Variants in PASD1 observed in about 807,000 individuals in gnomAD.
The protein encoded by PASD1 is PAS domain containing repressor 1.
In PASD1, 13 loss-of-function variants were observed where a neutral mutation model predicts 58.8. The ratio of observed to expected loss-of-function variants is 0.22; its 90% confidence interval spans 0.14 to 0.35. The LOEUF (loss-of-function observed/expected upper bound fraction) is 0.35. Ranked by LOEUF, PASD1 falls within the 10% of genes least tolerant of loss-of-function variation. PASD1 has a pLI of 1.00. For synonymous variants in PASD1, 236 were observed against 216.7 expected, an observed-to-expected ratio of 1.09 and a Z score of -0.78; for missense variants, 734 against 568.3, an observed-to-expected ratio of 1.29 and a Z score of -2.96.
intron 8 of PASD1, among the ~76,000 whole-genome samples, chrX:151,628,671 C>T (rs745445858): frequency 3.6e-5 from 4 of 111,592 alleles, no homozygotes; most frequent in South Asian, 7.7e-4. Context: ...CTTGGCAATG[C>T]GGGCTCTTTT....
At chrX:151,600,137 G>A (rs745963037) in intron 1 of PASD1, among the ~76,000 whole-genome samples, 51 of 111,833 alleles carry the variant, frequency 4.6e-4, no homozygotes, top group African/African-American at 1.4e-3. Flanking sequence ...GGCGGCGTGC[G>A]CCTGCAATCC....
intron 1 of PASD1, among the ~76,000 whole-genome samples, chrX:151,572,177 A>G (rs1450960579): frequency 9.0e-6 from 1 of 111,409 alleles, no homozygotes; most frequent in Non-Finnish European, 1.9e-5. Flanking sequence ...TTATTTTGAC[A>G]GTTGTAAGTT....
chrX:151,658,002 A>G (rs5969812), intron 9 of PASD1, among the ~76,000 whole-genome samples: 34,928 of 110,442 alleles, frequency 0.32, 4,779 homozygotes, highest in Middle Eastern at 0.48. Context: ...ATAAGCCACC[A>G]CAGGGAAAAT....
chrX:151,648,737 G>A (rs1240212397), intron 9 of PASD1, 35 bp downstream of exon 9: 1 of 1,179,679 alleles, frequency 8.5e-7, no homozygotes, highest in South Asian at 1.8e-5. Context: ...TACAATCTTA[G>A]ACCCTTATCC....
In PASD1 at chrX:151,671,031, C is replaced by G. The variant is rs1388900288; in HGVS notation, c.1072-7C>G. 4.1e-6 allele frequency: 5 copies of G among 1,207,503 alleles called. No individual in the cohort carries two copies. The highest frequency in any genetic ancestry group is 5.6e-6 in the Non-Finnish European group (5 of 893,179). On this transcript the variant is annotated splice_region_variant and splice_polypyrimidine_tract_variant and intron_variant, in intron 11 of 15. Coordinates refer to ENST00000370357, the MANE Select transcript of PASD1 (RefSeq NM_173493.3). The stretch of plus-strand genomic sequence containing the variant: ...ATACATGAACCATAAGTAATTCCTC[C>G]CCACAGCCATTACAGCCATCATCAC...
At chrX:151,586,447 A>T (rs751927494) in intron 1 of PASD1, among the ~76,000 whole-genome samples, 2 of 111,986 alleles carry the variant, frequency 1.8e-5, no homozygotes, top group Non-Finnish European at 3.8e-5. Flanking sequence ...GGTACTAGCT[A>T]TGTAACTTCA....
At chrX:151,570,312 T>G (rs1351703110) in intron 1 of PASD1, among the ~76,000 whole-genome samples, 2 of 112,341 alleles carry the variant, frequency 1.8e-5, no homozygotes, top group African/African-American at 6.5e-5. Flanking sequence ...ATTTACAGAA[T>G]GTTCACAGCC....
intron 8 of PASD1, among the ~76,000 whole-genome samples, chrX:151,632,240 G>A (rs1285931977): frequency 9.0e-6 from 1 of 111,028 alleles, no homozygotes; most frequent in Non-Finnish European, 1.9e-5. Flanking sequence ...AATTCCCTGT[G>A]GTTCCTTTGT....
At chrX:151,659,887 C>A (rs1356409515) in intron 10 of PASD1, 51 bp downstream of exon 10, 10 of 1,131,417 alleles carry the variant, frequency 8.8e-6, no homozygotes, top group South Asian at 4.2e-5. Context: ...AAAACAGTGA[C>A]CCCCAGGGTA....
At chrX:151,599,918 G>A (rs2013387639) in intron 1 of PASD1, among the ~76,000 whole-genome samples, 1 of 111,859 alleles carries the variant, frequency 8.9e-6, no homozygotes, top group Non-Finnish European at 1.9e-5. Context: ...GCAGGCGGCT[G>A]GGAGGTGGAG....
Position 151,676,217 on chromosome X carries a change from A to G in PASD1, c.*74A>G. 1 of 1,072,885 alleles carries G rather than the reference A, an allele frequency of 9.3e-7. No homozygotes were observed. The highest frequency in any genetic ancestry group is 1.8e-5 in the African/African-American group (1 of 54,134). 88.4% of individuals were successfully genotyped at this position (1,072,885 alleles called of 1,213,427 possible). ...CCAATGAGGTCTGCATGGCCAGGGG[A>G]CCTTCAAGGTGCGTAAAGTCCCTTG... On this transcript the variant is annotated 3_prime_UTR_variant, in exon 16 of 16. Transcript: ENST00000370357.
intron 1 of PASD1, among the ~76,000 whole-genome samples, chrX:151,565,811 G>A (rs1255121421): frequency 1.8e-5 from 2 of 111,523 alleles, no homozygotes; most frequent in Non-Finnish European, 1.9e-5. Context: ...GCCCGCCTTC[G>A]CCTCCCAAAG....
chrX:151,634,009 A>G (rs1205448106), intron 8 of PASD1, among the ~76,000 whole-genome samples: 2 of 111,875 alleles, frequency 1.8e-5, no homozygotes, highest in Admixed American at 9.5e-5. Flanking sequence ...GTGGAATGGG[A>G]TTCATCCAGC....
chrX:151,662,547 G>A (rs963117195), intron 10 of PASD1, among the ~76,000 whole-genome samples: 2 of 111,225 alleles, frequency 1.8e-5, no homozygotes, highest in African/African-American at 6.5e-5. Context: ...AACCCTCTCA[G>A]TGGACTAGGA....
At chrX:151,593,046 G>A (rs747570957) in intron 1 of PASD1, among the ~76,000 whole-genome samples, 29 of 109,937 alleles carry the variant, frequency 2.6e-4, no homozygotes, top group Non-Finnish European at 1.5e-4. Flanking sequence ...AACATATTTA[G>A]GGTTGTTAAG....
chrX:151,659,930 T>G (rs1380639218), intron 10 of PASD1, 94 bp downstream of exon 10: 1 of 834,224 alleles, frequency 1.2e-6, no homozygotes, highest in Non-Finnish European at 1.6e-6. Context: ...TAATGCTCTA[T>G]AATACTGTGA....
At chrX:151,577,630 T>C (rs1263949109) in intron 1 of PASD1, among the ~76,000 whole-genome samples, 1 of 111,835 alleles carries the variant, frequency 8.9e-6, no homozygotes, top group Non-Finnish European at 1.9e-5. Context: ...GTTCAAGTGA[T>C]TCTCCTGCCT....
At chrX:151,599,431 C>T (rs1275162491) in intron 1 of PASD1, among the ~76,000 whole-genome samples, 24 of 101,166 alleles carry the variant, frequency 2.4e-4, no homozygotes, top group African/African-American at 4.6e-4. Flanking sequence ...CCGGACGGGG[C>T]GGCTGGCCGG....
intron 1 of PASD1, among the ~76,000 whole-genome samples, chrX:151,583,080 G>C (rs1382825024): frequency 2.7e-5 from 3 of 111,258 alleles, no homozygotes; most frequent in African/African-American, 9.8e-5. Context: ...AGGGTGGTTG[G>C]GAAACAACAC....
Sources: gnomAD v4.1 joint callset for allele counts (sites outside exome capture counted in the v4.1 genomes callset) on GRCh38, gnomAD v4.1.1 for gene constraint, MANE v1.5 for transcripts, NCBI Gene and HGNC (gene_info 2026-07-23, HGNC 2026-07-21) for gene names.